Variants in TRAPPC9 observed in about 807,000 individuals in gnomAD.
The protein encoded by TRAPPC9 is IKK2 binding protein.
Under a neutral mutation model 124.0 loss-of-function variants are expected in TRAPPC9, and 83 were observed. The observed-to-expected ratio is 0.67, with a 90% confidence interval of 0.56 to 0.80. TRAPPC9 has a LOEUF of 0.80. Ranked by LOEUF, TRAPPC9 falls within the 30% of genes least tolerant of loss-of-function variation. The probability of loss-of-function intolerance (pLI) is 0.00; values close to 1 mark genes in which losing one functional copy is unlikely to be tolerated. For synonymous variants in TRAPPC9, 638 were observed against 617.5 expected (o/e 1.03, Z -0.49); for missense variants, 1,302 against 1,508.3 (o/e 0.86, Z 2.27).
At chr8:139,805,020 C>A in intron 21 of TRAPPC9, among the ~76,000 whole-genome samples, 1 of 152,328 alleles carries the variant, frequency 6.6e-6, no homozygotes, top group African/African-American at 2.4e-5. Context: ...TCACTAAGCC[C>A]CCTCCCCTGG....
chr8:140,179,459 AT>A (rs1034471587), intron 17 of TRAPPC9, among the ~76,000 whole-genome samples: 4 of 152,222 alleles, frequency 2.6e-5, no homozygotes, highest in African/African-American at 9.6e-5. Context: ...TGATTTAAAT[AT>A]TTTAAAATTT....
intron 17 of TRAPPC9, among the ~76,000 whole-genome samples, chr8:140,030,243 A>G (rs1840419587): frequency 6.6e-6 from 1 of 152,244 alleles, no homozygotes; most frequent in Non-Finnish European, 1.5e-5. Context: ...TGTAGCTGTA[A>G]TAATTTTTGT....
intron 17 of TRAPPC9, among the ~76,000 whole-genome samples, chr8:140,052,816 A>G (rs1365914941): frequency 6.6e-6 from 1 of 151,662 alleles, no homozygotes; most frequent in Non-Finnish European, 1.5e-5. Context: ...GCATGGTGGC[A>G]TACACCTGTG....
intron 17 of TRAPPC9, among the ~76,000 whole-genome samples, chr8:140,083,082 G>C (rs1843939915): frequency 6.6e-6 from 1 of 152,104 alleles, no homozygotes; most frequent in South Asian, 2.1e-4. Flanking sequence ...AGTCCCAGCT[G>C]CTCGGGAGGC....
chr8:139,955,055 T>C (rs892677460), intron 19 of TRAPPC9, among the ~76,000 whole-genome samples: 2 of 152,248 alleles, frequency 1.3e-5, no homozygotes, highest in Non-Finnish European at 2.9e-5. Flanking sequence ...TATTTAATTT[T>C]ATGTTGATGC....
intron 19 of TRAPPC9, among the ~76,000 whole-genome samples, chr8:139,968,915 G>A (rs376723540): frequency 2.2e-4 from 33 of 152,304 alleles, no homozygotes; most frequent in East Asian, 2.1e-3. Context: ...CTTATGGCCC[G>A]TCCACAATTT....
chr8:140,386,681 G>A (rs2068763067), intron 7 of TRAPPC9, among the ~76,000 whole-genome samples: 2 of 152,158 alleles, frequency 1.3e-5, no homozygotes, highest in African/African-American at 4.8e-5. Context: ...ACAAACAAAT[G>A]GAAGAACATT....
At chr8:140,351,161 C>G (rs555550659) in intron 9 of TRAPPC9, among the ~76,000 whole-genome samples, 12 of 114,638 alleles carry the variant, frequency 1.0e-4, no homozygotes, top group African/African-American at 3.7e-4. Context: ...GAAGGAGAAG[C>G]GACAACGGAT....
intron 17 of TRAPPC9, among the ~76,000 whole-genome samples, chr8:140,082,517 A>G (rs189743706): frequency 6.6e-6 from 1 of 152,324 alleles, no homozygotes; most frequent in East Asian, 1.9e-4. Context: ...CATTTTAACA[A>G]CCTAATTAAC....
intron 20 of TRAPPC9, among the ~76,000 whole-genome samples, chr8:139,893,129 G>C (rs1249548311): frequency 6.6e-6 from 1 of 152,232 alleles, no homozygotes; most frequent in Non-Finnish European, 1.5e-5. Flanking sequence ...CGTAGCCCTG[G>C]TGAGGGGCTC....
intron 11 of TRAPPC9, among the ~76,000 whole-genome samples, chr8:140,296,383 G>C (rs1201330648): frequency 6.6e-6 from 1 of 152,168 alleles, no homozygotes; most frequent in African/African-American, 2.4e-5. Flanking sequence ...TCCCACCTCA[G>C]CCTCCCAACT....
intron 17 of TRAPPC9, among the ~76,000 whole-genome samples, chr8:140,113,358 T>C (rs1212425740): frequency 6.6e-6 from 1 of 152,212 alleles, no homozygotes; most frequent in Non-Finnish European, 1.5e-5. Flanking sequence ...ATCAGGAAAG[T>C]GTCCAGAAGC....
intron 5 of TRAPPC9, among the ~76,000 whole-genome samples, chr8:140,413,147 G>C (rs779819704): frequency 4.6e-5 from 7 of 152,136 alleles, no homozygotes; most frequent in Non-Finnish European, 7.3e-5. Context: ...CCAGCACTTT[G>C]GGAGGCCGAG....
intron 21 of TRAPPC9, among the ~76,000 whole-genome samples, chr8:139,875,533 C>T (rs897144331): frequency 2.6e-5 from 4 of 152,238 alleles, no homozygotes; most frequent in East Asian, 1.9e-4. Flanking sequence ...AAACGATCCT[C>T]TTTGTCAACC....
chr8:140,266,179 A>G (rs2064645853), intron 15 of TRAPPC9, among the ~76,000 whole-genome samples: 1 of 152,154 alleles, frequency 6.6e-6, no homozygotes, highest in Non-Finnish European at 1.5e-5. Flanking sequence ...ACAAGTGGCC[A>G]GGCATGGTGG....
chr8:140,196,132 A>AC (rs147492248), intron 17 of TRAPPC9, among the ~76,000 whole-genome samples: 1 of 92,406 alleles, frequency 1.1e-5, no homozygotes, highest in Non-Finnish European at 2.3e-5. Context: ...GTGACACTGA[A>AC]ACACAACGAT....
chr8:139,952,888 T>G (rs1834731492), intron 19 of TRAPPC9, among the ~76,000 whole-genome samples: 1 of 152,184 alleles, frequency 6.6e-6, no homozygotes, highest in Non-Finnish European at 1.5e-5. Flanking sequence ...ATTAACACAC[T>G]TTACAGATGT....
intron 16 of TRAPPC9, among the ~76,000 whole-genome samples, chr8:140,227,467 A>G (rs756244257): frequency 6.6e-5 from 10 of 152,192 alleles, no homozygotes; most frequent in South Asian, 4.1e-4. Context: ...AGTCTGGTAG[A>G]TCATCATGAA....
chr8:140,271,555 G>C (rs1476593129), intron 15 of TRAPPC9, among the ~76,000 whole-genome samples: 2 of 152,024 alleles, frequency 1.3e-5, no homozygotes, highest in East Asian at 3.9e-4. Flanking sequence ...GATAGAGACA[G>C]AGAGAGAGAA....
Sources: gnomAD v4.1 joint callset for allele counts (sites outside exome capture counted in the v4.1 genomes callset) on GRCh38, gnomAD v4.1.1 for gene constraint, MANE v1.5 for transcripts, NCBI Gene and HGNC (gene_info 2026-07-23, HGNC 2026-07-21) for gene names.